UNC13B: variants seen among roughly 807,000 people sequenced by gnomAD.
The protein encoded by UNC13B is protein unc-13 homolog B.
In UNC13B, 144 loss-of-function variants were observed where a neutral mutation model predicts 211.0. The observed-to-expected ratio is 0.68, with a 90% CI of 0.60 to 0.78. UNC13B has a LOEUF of 0.78. UNC13B is among the 30% of genes least tolerant of loss of function. The pLI, the probability that UNC13B is intolerant of heterozygous loss-of-function variation, is 0.00. For missense variants in UNC13B, 1,777 were observed against 2,002.0 expected (o/e 0.89, Z 2.14); for synonymous variants, 709 against 725.8 (o/e 0.98, Z 0.37).
intron 1 of UNC13B, among the ~76,000 whole-genome samples, chr9:35,216,974 A>C (rs1564073446): frequency 6.6e-6 from 1 of 152,188 alleles, no homozygotes; most frequent in Non-Finnish European, 1.5e-5. Flanking sequence ...AATGATGGAG[A>C]TGGAGAGCAG....
intron 1 of UNC13B, among the ~76,000 whole-genome samples, chr9:35,178,715 A>T (rs144460248): frequency 8.6e-5 from 13 of 151,802 alleles, no homozygotes; most frequent in African/African-American, 3.1e-4. Flanking sequence ...ACATGGTGAA[A>T]CCCCGTCTCT....
At chr9:35,269,800 C>G (rs773656162) in intron 7 of UNC13B, among the ~76,000 whole-genome samples, 4 of 152,184 alleles carry the variant, frequency 2.6e-5, no homozygotes, top group Non-Finnish European at 5.9e-5. Context: ...TTGTGTCACA[C>G]TGTTATTATA....
chr9:35,186,506 T>C (rs1400671021), intron 1 of UNC13B, among the ~76,000 whole-genome samples: 1 of 151,916 alleles, frequency 6.6e-6, no homozygotes, highest in Non-Finnish European at 1.5e-5. Flanking sequence ...ACCAGGAAAA[T>C]TTAGGACACA....
chr9:35,227,623 C>G (rs1160079908), intron 1 of UNC13B, among the ~76,000 whole-genome samples: 2 of 152,192 alleles, frequency 1.3e-5, no homozygotes, highest in African/African-American at 4.8e-5. Context: ...TTATCTAGAT[C>G]TGGCCTGTTA....
At chr9:35,181,543 G>T (rs1210123172) in intron 1 of UNC13B, among the ~76,000 whole-genome samples, 1 of 152,150 alleles carries the variant, frequency 6.6e-6, no homozygotes, top group African/African-American at 2.4e-5. Flanking sequence ...TTATATCAAT[G>T]AAGATCGATC....
At chr9:35,367,525 C>T (rs905028846) in intron 12 of UNC13B, among the ~76,000 whole-genome samples, 9 of 152,216 alleles carry the variant, frequency 5.9e-5, no homozygotes, top group Middle Eastern at 3.4e-3. Context: ...ACACTCTTTT[C>T]GTTATTTTAA....
intron 20 of UNC13B, 103 bp downstream of exon 20, chr9:35,381,822 T>G (rs1834861034): frequency 2.1e-6 from 3 of 1,425,256 alleles, no homozygotes; most frequent in Non-Finnish European, 2.9e-6. Context: ...TAGCATGCAG[T>G]GATTCCTTTA....
intron 1 of UNC13B, among the ~76,000 whole-genome samples, chr9:35,226,548 G>A (rs150139295): frequency 1.0e-3 from 158 of 152,334 alleles, no homozygotes; most frequent in African/African-American, 3.5e-3. Context: ...TAGGGAAGCC[G>A]ACAGTGCAGC....
At chr9:35,354,143 G>C (rs1219487777) in intron 11 of UNC13B, among the ~76,000 whole-genome samples, 1 of 152,216 alleles carries the variant, frequency 6.6e-6, no homozygotes, top group Non-Finnish European at 1.5e-5. Context: ...CAGCTGCAGA[G>C]CTTTTAGGAT....
rs774525517 is a variant in UNC13B at position 35,297,547 on chromosome 9, C to CTTTTTTTTTTTTTTTTT, written c.761+1621_761+1637dup. On this transcript the variant is annotated intron_variant, in intron 8 of 39. Transcript: ENST00000635942. Reference sequence around the variant, plus strand: ...TGCATTCAGGAAGCACATACTTTGTCTTTTTTTTTTTTTTTTTTTTGAGAC... The same window carrying CTTTTTTTTTTTTTTTTT: ...TGCATTCAGGAAGCACATACTTTGTCTTTTTTTTTTTTTTTTTTTTTTTTTTTTTTTTTTTTTGAGAC... Among the ~76,000 whole-genome samples the CTTTTTTTTTTTTTTTTT allele has an allele frequency of 2.7e-3, 271 of 100,836 alleles. 32 individuals are homozygous for CTTTTTTTTTTTTTTTTT. The highest frequency in any genetic ancestry group is 0.011 in the African/African-American group (266 of 24,410). The allele number at this position is 100,836 out of a possible 152,430, so 66.2% of individuals were successfully genotyped here.
At chr9:35,317,855 G>T (rs1250206167) in intron 11 of UNC13B, among the ~76,000 whole-genome samples, 2 of 151,876 alleles carry the variant, frequency 1.3e-5, no homozygotes, top group African/African-American at 2.4e-5. Flanking sequence ...CATTTAAAAT[G>T]AACATTTATG....
intron 11 of UNC13B, among the ~76,000 whole-genome samples, chr9:35,343,198 G>A (rs1332926694): frequency 6.6e-6 from 1 of 152,204 alleles, no homozygotes; most frequent in African/African-American, 2.4e-5. Context: ...TATGAAATCA[G>A]TATAATCAGA....
At chr9:35,384,764 G>A (rs1484955326) in intron 22 of UNC13B, 6 of 971,996 alleles carry the variant, frequency 6.2e-6, no homozygotes, top group Non-Finnish European at 7.3e-6. Flanking sequence ...GTATCAGAGA[G>A]CATGTCCATT....
At chr9:35,364,612 C>T (rs529142097) in intron 11 of UNC13B, 15 of 1,530,734 alleles carry the variant, frequency 9.8e-6, no homozygotes, top group Non-Finnish European at 1.2e-5. Context: ...GTCTATTTCC[C>T]TCCCCTCCTT....
intron 11 of UNC13B, among the ~76,000 whole-genome samples, chr9:35,316,511 G>T (rs1024101131): frequency 7.0e-6 from 1 of 141,920 alleles, no homozygotes; most frequent in Non-Finnish European, 1.6e-5. Flanking sequence ...ATAGATGTGC[G>T]TGTGTGTGTT....
intron 11 of UNC13B, among the ~76,000 whole-genome samples, chr9:35,354,939 A>G (rs1832933720): frequency 1.3e-5 from 2 of 152,236 alleles, no homozygotes; most frequent in African/African-American, 4.8e-5. Flanking sequence ...GAAGTGACAT[A>G]TGGACAAGGC....
chr9:35,369,907 G>T (rs1834008696), intron 12 of UNC13B, among the ~76,000 whole-genome samples: 1 of 152,168 alleles, frequency 6.6e-6, no homozygotes. Context: ...CCACCCTGTG[G>T]GTTCTGTTCT....
intron 3 of UNC13B, among the ~76,000 whole-genome samples, chr9:35,236,134 CT>C (rs1236936133): frequency 1.3e-5 from 2 of 151,872 alleles, no homozygotes; most frequent in African/African-American, 4.8e-5. Context: ...CTTGTGTCTC[CT>C]TTTTTTTGTT....
At position 35,404,154 on chromosome 9, in the gene UNC13B, A is replaced by G. The variant is rs1481331431; in HGVS notation, c.*121A>G. On this transcript the variant is annotated 3_prime_UTR_variant, in exon 40 of 40. Transcript: ENST00000635942. ...AAGAGGCTGACCCCTTCAGTTAAAG[A>G]TATTTAAGGAAAAATTTGGGGTGGT... 5 of 1,352,842 alleles carry G rather than the reference A, an allele frequency of 3.7e-6. No homozygotes were observed. In the East Asian group the frequency reaches 7.5e-5, roughly 20 times the overall value. The allele number at this position is 1,352,842 out of a possible 1,614,324, so 83.8% of individuals were successfully genotyped here.
Sources: gnomAD v4.1 joint callset for allele counts (sites outside exome capture counted in the v4.1 genomes callset) on GRCh38, gnomAD v4.1.1 for gene constraint, MANE v1.5 for transcripts, NCBI Gene and HGNC (gene_info 2026-07-23, HGNC 2026-07-21) for gene names.